The following STAT5B variants were observed in gnomAD, a reference collection of about 807,000 sequenced individuals.
STAT5B encodes the protein transcription factor STAT5B.
A neutral mutation model predicts 107.8 loss-of-function variants in STAT5B; 21 were observed. The observed-to-expected ratio is 0.19, with a 90% CI of 0.14 to 0.28. The LOEUF (loss-of-function observed/expected upper bound fraction) is 0.28. STAT5B is among the 10% of genes least tolerant of loss of function. The pLI is 1.00. For synonymous variants in STAT5B, 325 were observed against 401.7 expected (o/e 0.81, Z 2.28); for missense variants, 565 against 1,008.2 (o/e 0.56, Z 5.95).
In STAT5B at chr17:42,207,543, T is replaced by G. The variant is rs763767949; in HGVS notation, c.2077+15A>C. 5.0e-6 allele frequency: 8 copies of G among 1,608,800 alleles called. No individual in the cohort carries two copies. In the African/African-American group the frequency reaches 1.1e-4, roughly 22 times the overall value. On this transcript the variant is annotated intron_variant, in intron 16 of 18. Coordinates refer to ENST00000293328, the MANE Select transcript of STAT5B (RefSeq NM_012448.4). ...CACACACAACAAAATCAAATCAGAA[T>G]GCGAACATTGTTACCAGTAGCAGAC...
At chr17:42,281,465 T>C (rs1017013711), upstream of STAT5B, among the ~76,000 whole-genome samples, 1 of 152,212 alleles carries the variant, frequency 6.6e-6, no homozygotes, top group African/African-American at 2.4e-5. Flanking sequence ...ATAGACAGTT[T>C]TTTTAAAGGA....
In STAT5B at chr17:42,217,144, T is replaced by G; in HGVS notation, c.1380+16A>C. On this transcript the variant is annotated intron_variant, in intron 11 of 18. Coordinates refer to ENST00000293328, the MANE Select transcript of STAT5B (RefSeq NM_012448.4). ...ACACACGCACACGCACACGCAGAGCTGAGGGAAGGCTTTACCTTGACTTGA... is the reference window on the plus strand; with the variant it reads ...ACACACGCACACGCACACGCAGAGCGGAGGGAAGGCTTTACCTTGACTTGA... 1.2e-6 allele frequency: 2 copies of G among 1,607,732 alleles called. No individual in the cohort carries two copies. The highest frequency in any genetic ancestry group is 4.5e-5 in the East Asian group (2 of 44,098).
chr17:42,277,318 G>A (rs992323884), upstream of STAT5B, among the ~76,000 whole-genome samples: 1 of 152,068 alleles, frequency 6.6e-6, no homozygotes, highest in Non-Finnish European at 1.5e-5. Context: ...AGCTGCAGGG[G>A]CCAAAAGAGA....
chr17:42,235,315 G>T (rs901884903), intron 1 of STAT5B: 3 of 152,100 alleles, frequency 2.0e-5, no homozygotes, highest in African/African-American at 4.8e-5. Context: ...CCTGGGTCTA[G>T]AACGGTACCT....
At chr17:42,202,900 A>G in intron 16 of STAT5B, 92 bp from the exon 17 acceptor site, 1 of 1,500,878 alleles carries the variant, frequency 6.7e-7, no homozygotes, top group South Asian at 1.1e-5. Context: ...AGGACAGAAC[A>G]CAACCACCTA....
At chr17:42,243,328 G>T (rs1369603185) in intron 1 of STAT5B, among the ~76,000 whole-genome samples, 1 of 152,134 alleles carries the variant, frequency 6.6e-6, no homozygotes, top group Non-Finnish European at 1.5e-5. Context: ...TTGCACTCCA[G>T]GCTGGGCAAC....
chr17:42,212,103 T>C lies in STAT5B; in HGVS notation c.1561A>G (p.Ser521Gly). ...LNMKFKAEVQ[S>G]NRGLTKENLV... is the part of the protein sequence containing the mutation. ...TTCTCCTTGGTCAGGCCCCGGTTGC[T>C]CTGCACTTCGGCCTTGAATTTCATG... The change falls in exon 13 of 19, where the codon AGC becomes GGC. Residue 521 changes from serine to glycine, a missense_variant. Ser to Gly is a moderately conservative substitution (Grantham distance 56, BLOSUM62 0). Coordinates refer to ENST00000293328, the MANE Select transcript of STAT5B (RefSeq NM_012448.4). The C allele has an allele frequency of 1.2e-6, 2 of 1,614,150 alleles. No individual in the cohort carries two copies. Among genetic ancestry groups the C allele is most frequent in the Non-Finnish European group, 1.7e-6 (2 of 1,180,002 alleles).
intron 1 of STAT5B, chr17:42,269,392 C>T (rs1201174160): frequency 1.3e-5 from 2 of 151,950 alleles, no homozygotes; most frequent in East Asian, 1.9e-4. Context: ...GAATTTTAGA[C>T]AACAAAAAAT....
intron 7 of STAT5B, 66 bp from the exon 8 acceptor site, chr17:42,218,944 A>G: frequency 6.2e-7 from 1 of 1,613,046 alleles, no homozygotes; most frequent in Non-Finnish European, 8.5e-7. Context: ...AGGCCCCAAG[A>G]CACAGCTCCC....
intron 1 of STAT5B, among the ~76,000 whole-genome samples, chr17:42,244,172 C>T (rs899180562): frequency 6.6e-6 from 1 of 151,274 alleles, no homozygotes; most frequent in African/African-American, 2.4e-5. Context: ...ACTGCAGTCT[C>T]AACCTCCTGG....
chr17:42,203,139 C>G (rs891998371), intron 16 of STAT5B, among the ~76,000 whole-genome samples: 2 of 152,022 alleles, frequency 1.3e-5, no homozygotes, highest in Admixed American at 1.3e-4. Flanking sequence ...TGGGGTTTCA[C>G]CATGTCACCC....
upstream of STAT5B, among the ~76,000 whole-genome samples, chr17:42,276,888 C>G (rs183158947): frequency 6.6e-6 from 1 of 152,176 alleles, no homozygotes; most frequent in Admixed American, 6.5e-5. The surrounding 1 kb of genome is among the most constrained non-coding windows in gnomAD (Gnocchi z 4.8). Flanking sequence ...CCTGGGTTTG[C>G]CCCCGGGAGG....
Position 42,223,869 on chromosome 17 carries a change from T to C in STAT5B, c.376-313A>G, listed in dbSNP as rs370588007. On this transcript the variant is annotated intron_variant, in intron 4 of 18. Coordinates refer to ENST00000293328, the MANE Select transcript of STAT5B (RefSeq NM_012448.4). Reference sequence around the variant, plus strand: ...GAAACTAGAACGTAACCTGGTCCAGTGTCACCTGGGTTTTCCTACTAATGA... The same window carrying C: ...GAAACTAGAACGTAACCTGGTCCAGCGTCACCTGGGTTTTCCTACTAATGA... Among the ~76,000 whole-genome samples, 11 of 152,284 alleles carry C rather than the reference T, an allele frequency of 7.2e-5. 1 individual carries two copies. The East Asian group carries it at 1.5e-3, about 21-fold the overall frequency.
intron 1 of STAT5B, among the ~76,000 whole-genome samples, chr17:42,265,377 C>CCTTTTTTTTTTTTTTTTT (rs1555553898): frequency 2.7e-5 from 3 of 110,596 alleles, no homozygotes; most frequent in African/African-American, 1.1e-4. Context: ...ATGTACTCTT[C>CCTTTTTTTTTTTTTTTTT]TTTTTTTTTT....
rs1258551690 is a variant in STAT5B at position 42,201,223 on chromosome 17, G to A, written c.*515C>T. The A allele has an allele frequency of 1.2e-5, 5 of 421,166 alleles. No individual in the cohort carries two copies. Among genetic ancestry groups the A allele is most frequent in the East Asian group, 1.0e-4 (3 of 29,464 alleles). 26.1% of individuals were successfully genotyped at this position (421,166 alleles called of 1,614,324 possible). On this transcript the variant is annotated 3_prime_UTR_variant, in exon 19 of 19. Coordinates refer to ENST00000293328, the MANE Select transcript of STAT5B (RefSeq NM_012448.4). ...GGAAGGCTCTCTTTGTCAAAAAGCAGTTATCTACATTTCAGAAGAAAAGCA... is the reference window on the plus strand; with the variant it reads ...GGAAGGCTCTCTTTGTCAAAAAGCAATTATCTACATTTCAGAAGAAAAGCA...
chr17:42,207,202 T>A (rs924656248), intron 16 of STAT5B, among the ~76,000 whole-genome samples: 1 of 152,256 alleles, frequency 6.6e-6, no homozygotes, highest in East Asian at 1.9e-4. Flanking sequence ...TTATGTGTCT[T>A]CTGAAAATTT....
At chr17:42,271,139 G>A (rs1418914251) in intron 1 of STAT5B, 3 of 152,218 alleles carry the variant, frequency 2.0e-5, no homozygotes, top group Non-Finnish European at 4.4e-5. Flanking sequence ...AGCCCAGAAT[G>A]ATGAATAGTT....
intron 2 of STAT5B, among the ~76,000 whole-genome samples, chr17:42,230,054 T>A (rs768183213): frequency 5.3e-5 from 8 of 152,004 alleles, no homozygotes; most frequent in Non-Finnish European, 1.0e-4. Flanking sequence ...TTTTTCTAAA[T>A]CCTCCACATC....
At chr17:42,214,217 A>C (rs2080153032) in intron 12 of STAT5B, 1 of 985,252 alleles carries the variant, frequency 1.0e-6, no homozygotes, top group South Asian at 4.7e-5. Context: ...AAAAATGCTT[A>C]TTTATTTAGA....
Sources: gnomAD v4.1 joint callset for allele counts (sites outside exome capture counted in the v4.1 genomes callset) on GRCh38, gnomAD v4.1.1 for gene constraint, Gnocchi (gnomAD v3.1) non-coding constraint, MANE v1.5 for transcripts, NCBI Gene and HGNC (gene_info 2026-07-23, HGNC 2026-07-21) for gene names.